The following FBXO11 variants were observed in gnomAD, a reference collection of about 807,000 sequenced individuals.
FBXO11 encodes the protein F-box protein 11, also known as F-box only protein 11.
In FBXO11, 13 loss-of-function variants were observed where a neutral mutation model predicts 117.0. The observed-to-expected ratio is 0.11, with a 90% confidence interval of 0.07 to 0.18. The LOEUF (loss-of-function observed/expected upper bound fraction) is 0.18. Among genes scored for constraint, FBXO11 ranks in the 10% least tolerant of loss-of-function variants. The probability of loss-of-function intolerance (pLI) is 1.00; values close to 1 mark genes in which losing one functional copy is unlikely to be tolerated. For missense variants in FBXO11, 767 were observed against 1,164.4 expected (o/e 0.66, Z 4.97); for synonymous variants, 490 against 380.5 (o/e 1.29, Z -3.35).
At chr2:47,901,269 G>C (rs1416486231) in intron 1 of FBXO11, among the ~76,000 whole-genome samples, 1 of 150,384 alleles carries the variant, frequency 6.6e-6, no homozygotes, top group Admixed American at 6.6e-5. Flanking sequence ...TACAAGATTA[G>C]CTCAGAGTAG....
At chr2:47,904,296 G>A (rs562925714) in intron 1 of FBXO11, among the ~76,000 whole-genome samples, 16 of 152,070 alleles carry the variant, frequency 1.1e-4, no homozygotes, top group African/African-American at 3.6e-4. Flanking sequence ...AACAACAACC[G>A]TACACATAAA....
intron 1 of FBXO11, among the ~76,000 whole-genome samples, chr2:47,904,517 A>C (rs1336846081): frequency 6.6e-6 from 1 of 152,170 alleles, no homozygotes; most frequent in African/African-American, 2.4e-5. Flanking sequence ...AGTGCTAAAC[A>C]GTTGGGTCCA....
At chr2:47,889,883 T>C (rs1298315986) in intron 1 of FBXO11, among the ~76,000 whole-genome samples, 2 of 152,216 alleles carry the variant, frequency 1.3e-5, no homozygotes, top group South Asian at 2.1e-4. Context: ...GCATACTAAA[T>C]TTTTCATCTT....
intron 1 of FBXO11, among the ~76,000 whole-genome samples, chr2:47,854,663 G>C (rs1368582860): frequency 3.3e-5 from 5 of 152,062 alleles, no homozygotes; most frequent in African/African-American, 9.7e-5. Context: ...TGGAAGTTTG[G>C]TTAAAACAGA....
At chr2:47,819,462 C>T (rs549954390) in intron 14 of FBXO11, among the ~76,000 whole-genome samples, 9 of 152,326 alleles carry the variant, frequency 5.9e-5, no homozygotes, top group Middle Eastern at 6.8e-3. Flanking sequence ...GATCCACCCG[C>T]GTTGGCCTCC....
rs1180319156 is a variant in FBXO11, at chr2:47,832,646, C to T, written c.1186G>A (p.Ala396Thr). 1 of 1,613,898 alleles carries T rather than the reference C, an allele frequency of 6.2e-7. No homozygotes were observed. The highest frequency in any genetic ancestry group is 8.5e-7 in the Non-Finnish European group (1 of 1,179,918). The change falls in exon 10 of 23, where the codon GCA becomes ACA. Residue 396 changes from alanine (A) to threonine (T), a missense_variant. Ala to Thr is a moderately conservative substitution (Grantham distance 58). Transcript: ENST00000403359. Reference sequence around the variant, plus strand: ...TTACAGTGCTTGATGGTGGGACATGCTCCTTGACCACTAACACATACTGCA... The same window carrying T: ...TTACAGTGCTTGATGGTGGGACATGTTCCTTGACCACTAACACATACTGCA... ...GSAVCVSGQG[A>T]CPTIKHCNIS...
chr2:47,848,944 T>C (rs1572841043), intron 1 of FBXO11, among the ~76,000 whole-genome samples: 1 of 152,210 alleles, frequency 6.6e-6, no homozygotes, highest in Non-Finnish European at 1.5e-5. Flanking sequence ...GAGTAGTTTA[T>C]GGAATTTAAT....
chr2:47,839,391 C>A, intron 3 of FBXO11, 28 bp downstream of exon 3: 1 of 1,581,332 alleles, frequency 6.3e-7, no homozygotes, highest in Non-Finnish European at 8.6e-7. Flanking sequence ...TTATTTTACC[C>A]TATTTGTTAC....
chr2:47,851,373 T>C (rs1252502354), intron 1 of FBXO11, among the ~76,000 whole-genome samples: 1 of 151,984 alleles, frequency 6.6e-6, no homozygotes, highest in Non-Finnish European at 1.5e-5. Flanking sequence ...ACTACTAATT[T>C]TGTATTTTTA....
chr2:47,853,579 G>C (rs1298957535), intron 1 of FBXO11, among the ~76,000 whole-genome samples: 2 of 152,090 alleles, frequency 1.3e-5, no homozygotes, highest in African/African-American at 4.8e-5. Context: ...TACATTCCTG[G>C]CTTAGTAGCC....
chr2:47,834,113 G>A (rs1672378620), intron 7 of FBXO11, among the ~76,000 whole-genome samples: 1 of 152,188 alleles, frequency 6.6e-6, no homozygotes. Flanking sequence ...ACTTTGGAAG[G>A]CCGAGATGGG....
intron 4 of FBXO11, among the ~76,000 whole-genome samples, chr2:47,836,259 G>A (rs1672554377): frequency 6.6e-6 from 1 of 152,078 alleles, no homozygotes; most frequent in South Asian, 2.1e-4. Flanking sequence ...CTGAGTAGCT[G>A]AGATTATGGG....
intron 1 of FBXO11, among the ~76,000 whole-genome samples, chr2:47,892,827 C>T (rs1677357555): frequency 6.6e-6 from 1 of 152,012 alleles, no homozygotes. Flanking sequence ...TTAATAACCC[C>T]AACTCTGCAG....
At chr2:47,894,539 C>A (rs1304020384) in intron 1 of FBXO11, among the ~76,000 whole-genome samples, 3 of 152,230 alleles carry the variant, frequency 2.0e-5, no homozygotes, top group East Asian at 3.9e-4. Flanking sequence ...TTAAAGTCCA[C>A]AGTATTTTTT....
At chr2:47,871,855 G>A (rs1675649060) in intron 1 of FBXO11, among the ~76,000 whole-genome samples, 1 of 152,192 alleles carries the variant, frequency 6.6e-6, no homozygotes. Flanking sequence ...TGCTTTTAAA[G>A]TTCTGTAAAC....
intron 16 of FBXO11, 119 bp from the exon 17 acceptor site, chr2:47,813,986 A>C: frequency 2.7e-6 from 2 of 729,682 alleles, no homozygotes; most frequent in Non-Finnish European, 4.7e-6. Context: ...TAACTATACA[A>C]TGGAGTCCAA....
chr2:47,905,384 C>G (rs1678701204), intron 1 of FBXO11, 105 bp downstream of exon 1: 1 of 1,067,670 alleles, frequency 9.4e-7, no homozygotes, highest in African/African-American at 1.7e-5. Context: ...TCTCCCACCC[C>G]CAGGGCGCGC....
At chr2:47,817,107 G>A (rs973958799) in intron 16 of FBXO11, among the ~76,000 whole-genome samples, 2 of 152,186 alleles carry the variant, frequency 1.3e-5, no homozygotes, top group African/African-American at 4.8e-5. Flanking sequence ...CTTCAACAAT[G>A]ATCTTAGCTA....
chr2:47,819,912 G>T (rs943516947), intron 14 of FBXO11, among the ~76,000 whole-genome samples: 19 of 152,122 alleles, frequency 1.2e-4, no homozygotes, highest in Admixed American at 2.6e-4. Flanking sequence ...TACCATGAGT[G>T]AAGACGATTA....
Sources: gnomAD v4.1 joint callset for allele counts (sites outside exome capture counted in the v4.1 genomes callset) on GRCh38, gnomAD v4.1.1 for gene constraint, MANE v1.5 for transcripts, NCBI Gene and HGNC (gene_info 2026-07-23, HGNC 2026-07-21) for gene names.